SPECC1L: variants seen among roughly 807,000 people sequenced by gnomAD.
The protein encoded by SPECC1L is sperm antigen with calponin homology and coiled-coil domains 1 like, also known as cytospin-A.
SPECC1L carries 40 observed loss-of-function variants against 116.8 expected under a neutral mutation model. The observed-to-expected ratio is 0.34, with a 90% CI of 0.27 to 0.45. SPECC1L has a LOEUF of 0.45. Among genes scored for constraint, SPECC1L ranks in the 20% least tolerant of loss-of-function variants. The pLI is 1.00. For missense variants in SPECC1L, 1,110 were observed against 1,373.6 expected, an observed-to-expected ratio of 0.81 and a Z score of 3.03; for synonymous variants, 504 against 500.6, an observed-to-expected ratio of 1.01 and a Z score of -0.09.
At chr22:24,327,777 T>A (rs1403769737) in intron 6 of SPECC1L, among the ~76,000 whole-genome samples, 1 of 152,200 alleles carries the variant, frequency 6.6e-6, no homozygotes, top group Non-Finnish European at 1.5e-5. Flanking sequence ...GTCTGTGAGG[T>A]CATCACATGG....
At chr22:24,327,088 G>T (rs1437280747) in intron 6 of SPECC1L, among the ~76,000 whole-genome samples, 1 of 151,798 alleles carries the variant, frequency 6.6e-6, no homozygotes, top group Admixed American at 6.6e-5. Flanking sequence ...GACCAGCCTG[G>T]CCAACATGGT....
rs1024616603 is a variant in SPECC1L, at chr22:24,414,799, A to G, written c.*176A>G. 1.6e-5 allele frequency: 10 copies of G among 634,600 alleles called. No homozygotes were observed. In the East Asian group the frequency reaches 2.0e-4, roughly 12 times the overall value. 39.3% of individuals were successfully genotyped at this position (634,600 alleles called of 1,614,324 possible). Reference sequence around the variant, plus strand: ...GGAAGAACTCAGCCGTGTGGCCCACAGCTCCCACCAGGGCCCCTCCCACAT... The same window carrying G: ...GGAAGAACTCAGCCGTGTGGCCCACGGCTCCCACCAGGGCCCCTCCCACAT... On this transcript the variant is annotated 3_prime_UTR_variant, in exon 17 of 17. Transcript: ENST00000314328.
At chr22:24,410,171 C>T (rs975030550) in intron 14 of SPECC1L, among the ~76,000 whole-genome samples, 4 of 152,132 alleles carry the variant, frequency 2.6e-5, no homozygotes, top group African/African-American at 9.7e-5. Context: ...TGTGTTTTTT[C>T]GGAGATGGGG....
chr22:24,337,760 G>T (rs1050765529), intron 9 of SPECC1L, among the ~76,000 whole-genome samples: 4 of 151,952 alleles, frequency 2.6e-5, no homozygotes, highest in Non-Finnish European at 5.9e-5. Context: ...AATCATTTTT[G>T]CAGCCTTTAC....
chr22:24,364,100 T>C (rs752272325), intron 12 of SPECC1L, among the ~76,000 whole-genome samples: 1 of 152,148 alleles, frequency 6.6e-6, no homozygotes, highest in Non-Finnish European at 1.5e-5. Flanking sequence ...GTCGACTATG[T>C]GACTTGTCAC....
intron 11 of SPECC1L, among the ~76,000 whole-genome samples, chr22:24,348,190 T>C (rs2041343221): frequency 6.6e-6 from 1 of 152,138 alleles, no homozygotes; most frequent in African/African-American, 2.4e-5. Flanking sequence ...CCTCAGGGCC[T>C]GAGGGCTCCT....
intron 10 of SPECC1L, among the ~76,000 whole-genome samples, chr22:24,340,272 C>G (rs1464992469): frequency 6.6e-6 from 1 of 151,360 alleles, no homozygotes; most frequent in Non-Finnish European, 1.5e-5. Context: ...CCTCAGCCTC[C>G]AAGTAGCCAG....
intron 2 of SPECC1L, among the ~76,000 whole-genome samples, chr22:24,297,903 A>G (rs1348307599): frequency 6.6e-6 from 1 of 152,226 alleles, no homozygotes; most frequent in Non-Finnish European, 1.5e-5. Flanking sequence ...TCACTTAATA[A>G]TGGACCCACA....
At chr22:24,315,579 T>C (rs763418486) in intron 4 of SPECC1L, among the ~76,000 whole-genome samples, 62 of 152,268 alleles carry the variant, frequency 4.1e-4, no homozygotes, top group Non-Finnish European at 1.2e-4. Context: ...TCTTCCTGTT[T>C]CCTGCCTTTA....
intron 2 of SPECC1L, among the ~76,000 whole-genome samples, chr22:24,294,471 T>G (rs1235865934): frequency 4.0e-5 from 6 of 150,132 alleles, no homozygotes; most frequent in Non-Finnish European, 5.9e-5. Context: ...AACCTCTGCC[T>G]CCCGGGTTCA....
chr22:24,299,208 TG>T (rs1298068227), intron 2 of SPECC1L, among the ~76,000 whole-genome samples: 1 of 152,236 alleles, frequency 6.6e-6, no homozygotes, highest in Non-Finnish European at 1.5e-5. Context: ...TAGATATTTT[TG>T]GAATATATAT....
chr22:24,274,968 C>A (rs1484689478), intron 1 of SPECC1L, among the ~76,000 whole-genome samples: 1 of 152,178 alleles, frequency 6.6e-6, no homozygotes, highest in Non-Finnish European at 1.5e-5. Context: ...TCATTGCCTT[C>A]AAAACTCAGC....
intron 10 of SPECC1L, among the ~76,000 whole-genome samples, chr22:24,345,913 A>G (rs17004901): frequency 0.016 from 2,363 of 152,248 alleles, 52 homozygotes; most frequent in African/African-American, 0.054. Context: ...TCTGCATGAT[A>G]GTAAATAAGT....
At chr22:24,305,924 C>G (rs189442768) in intron 3 of SPECC1L, among the ~76,000 whole-genome samples, 44 of 144,598 alleles carry the variant, frequency 3.0e-4, no homozygotes, top group African/African-American at 1.1e-3. Flanking sequence ...TTCATACAAT[C>G]TTTTTTTTTT....
Position 24,321,555 on chromosome 22 carries a change from C to T in SPECC1L, c.575C>T (p.Ala192Val). 1 of 1,614,034 alleles carries T rather than the reference C, an allele frequency of 6.2e-7. No individual in the cohort carries two copies. The highest frequency in any genetic ancestry group is 1.7e-5 in the Admixed American group (1 of 60,000). Residue 192 changes from alanine to valine, a missense_variant, in exon 5 of 17, where the codon GCA (alanine) becomes GTA (valine). By Grantham distance (64) the Ala-to-Val change is moderately conservative (BLOSUM62 0). Coordinates refer to ENST00000314328, the MANE Select transcript of SPECC1L (RefSeq NM_015330.6). ...AAAGTGAAGGATCTTCTCACGCTGG[C>T]AAAAACCAAAGACGTAGAAATTTTA... ...EAKVKDLLTL[A>V]KTKDVEILHL...
chr22:24,303,857 G>GTT (rs2049435340), intron 3 of SPECC1L, among the ~76,000 whole-genome samples: 1 of 148,570 alleles, frequency 6.7e-6, no homozygotes, highest in Non-Finnish European at 1.5e-5. Context: ...GTGTGTGTGT[G>GTT]TGTGTGTGTG....
chr22:24,390,044 G>GA (rs1322610019), intron 14 of SPECC1L, among the ~76,000 whole-genome samples: 3 of 151,664 alleles, frequency 2.0e-5, no homozygotes, highest in Non-Finnish European at 4.4e-5. Flanking sequence ...AGGGAATAGA[G>GA]ACGCTTCCTT....
At chr22:24,395,804 A>G (rs976387679) in intron 14 of SPECC1L, among the ~76,000 whole-genome samples, 4 of 152,032 alleles carry the variant, frequency 2.6e-5, no homozygotes, top group Admixed American at 6.5e-5. Context: ...ACGTCTGGCT[A>G]ATTTTTTTGC....
intron 14 of SPECC1L, among the ~76,000 whole-genome samples, chr22:24,410,470 G>A (rs901632053): frequency 1.3e-5 from 2 of 152,204 alleles, no homozygotes; most frequent in Admixed American, 6.5e-5. Flanking sequence ...GCAGAGTTGA[G>A]GCTACAGCCT....
Sources: allele counts gnomAD v4.1 joint callset (sites outside exome capture counted in the v4.1 genomes callset), GRCh38; gene constraint gnomAD v4.1.1; transcripts MANE v1.5; gene names NCBI Gene and HGNC (gene_info 2026-07-23, HGNC 2026-07-21).